Variants in FBXO36 observed in about 807,000 individuals in gnomAD.
The protein encoded by FBXO36 is F-box only protein 36.
In FBXO36, 18 loss-of-function variants were observed where a neutral mutation model predicts 17.0. That is an observed-to-expected ratio of 1.06 (90% CI 0.73 to 1.57). The LOEUF is 1.57. Among genes scored for constraint, FBXO36 ranks in the 40% most tolerant of loss-of-function variants. FBXO36 has a pLI of 0.00. For missense variants in FBXO36, 229 were observed against 221.9 expected (o/e 1.03, Z -0.20); for synonymous variants, 83 against 85.3 (o/e 0.97, Z 0.15).
intron 1 of FBXO36, among the ~76,000 whole-genome samples, chr2:229,950,713 A>G (rs1040161571): frequency 1.3e-5 from 2 of 151,604 alleles, no homozygotes; most frequent in Admixed American, 6.6e-5. Flanking sequence ...AACAATAGGG[A>G]AAAAAATCAT....
In FBXO36 at chr2:229,956,909, C is replaced by G. The variant is rs907549539; in HGVS notation, c.97-19332C>G. 2.0e-5 allele frequency among the ~76,000 whole-genome samples: 3 copies of G among 152,076 alleles called. No individual in the cohort carries two copies. The East Asian group carries it at 5.8e-4, about 29-fold the overall frequency. On this transcript the variant is annotated intron_variant, in intron 1 of 3. Coordinates refer to ENST00000283946, the MANE Select transcript of FBXO36 (RefSeq NM_174899.5). ...GGGTCTCTTCCCCTTATTCTAAGAA[C>G]CCCAGTCCTATTGAATTAGGATTAT...
intron 1 of FBXO36, among the ~76,000 whole-genome samples, chr2:229,972,378 C>T (rs1424195267): frequency 6.6e-6 from 1 of 152,058 alleles, no homozygotes; most frequent in Non-Finnish European, 1.5e-5. Flanking sequence ...AAATAATTAT[C>T]TTTGAAGATT....
intron 1 of FBXO36, among the ~76,000 whole-genome samples, chr2:229,934,001 A>G (rs527527570): frequency 1.3e-5 from 2 of 152,250 alleles, no homozygotes; most frequent in East Asian, 1.9e-4. Flanking sequence ...TTAAAAAAAA[A>G]TACACAAACA....
chr2:229,989,843 G>A (rs1233058406), intron 2 of FBXO36, among the ~76,000 whole-genome samples: 1 of 151,980 alleles, frequency 6.6e-6, no homozygotes, highest in Non-Finnish European at 1.5e-5. Flanking sequence ...AAAGTGTTGG[G>A]ATTACAGGCG....
chr2:229,957,776 C>CAT (rs2077096538), intron 1 of FBXO36, among the ~76,000 whole-genome samples: 2 of 152,192 alleles, frequency 1.3e-5, no homozygotes, highest in Non-Finnish European at 2.9e-5. Context: ...TAACTGTCAG[C>CAT]TTCTCAACCA....
At chr2:230,004,029 C>T (rs897448842) in intron 3 of FBXO36, among the ~76,000 whole-genome samples, 2 of 151,564 alleles carry the variant, frequency 1.3e-5, no homozygotes, top group Admixed American at 6.5e-5. Flanking sequence ...GGTCCACAGT[C>T]GTAGCCAGCA....
At chr2:229,948,123 C>T (rs1405022552) in intron 1 of FBXO36, among the ~76,000 whole-genome samples, 1 of 151,554 alleles carries the variant, frequency 6.6e-6, no homozygotes, top group Non-Finnish European at 1.5e-5. Flanking sequence ...CATAACAAGA[C>T]CCTTTCTCTA....
At chr2:229,964,128 G>A (rs1035480754) in intron 1 of FBXO36, among the ~76,000 whole-genome samples, 1 of 151,676 alleles carries the variant, frequency 6.6e-6, no homozygotes, top group Non-Finnish European at 1.5e-5. Flanking sequence ...CTGTTTGTCT[G>A]TAATGTTAAT....
intron 2 of FBXO36, chr2:229,977,124 C>T (rs960492367): frequency 1.3e-5 from 2 of 151,982 alleles, no homozygotes; most frequent in Non-Finnish European, 2.9e-5. Context: ...TTTCCTTTTC[C>T]TATGCTACAA....
intron 3 of FBXO36, among the ~76,000 whole-genome samples, chr2:230,001,465 T>A (rs1168638445): frequency 6.6e-6 from 1 of 151,974 alleles, no homozygotes; most frequent in Non-Finnish European, 1.5e-5. Context: ...TTTTTGTATT[T>A]TTAGTAGACA....
At chr2:229,966,333 T>G (rs1208280875) in intron 1 of FBXO36, among the ~76,000 whole-genome samples, 1 of 152,206 alleles carries the variant, frequency 6.6e-6, no homozygotes, top group Non-Finnish European at 1.5e-5. Context: ...GTAGGTTGCC[T>G]GTTCACTCTG....
intron 3 of FBXO36, among the ~76,000 whole-genome samples, chr2:229,999,804 G>A (rs2077348636): frequency 6.6e-6 from 1 of 151,782 alleles, no homozygotes; most frequent in South Asian, 2.1e-4. Flanking sequence ...AATCACCCAG[G>A]TTAATTATTA....
At chr2:229,963,783 G>A (rs928026342) in intron 1 of FBXO36, among the ~76,000 whole-genome samples, 1 of 152,162 alleles carries the variant, frequency 6.6e-6, no homozygotes, top group Non-Finnish European at 1.5e-5. Context: ...GTTGTCTGTA[G>A]TATGTAATCC....
intron 3 of FBXO36, among the ~76,000 whole-genome samples, chr2:230,010,121 T>C (rs1488290825): frequency 2.0e-5 from 3 of 150,808 alleles, no homozygotes; most frequent in African/African-American, 7.3e-5. Flanking sequence ...ATTAGCTCAG[T>C]GTGGTGGCGC....
chr2:230,011,016 G>T lies in FBXO36; in HGVS notation c.*132G>T. On this transcript the variant is annotated 3_prime_UTR_variant, in exon 4 of 4. Coordinates refer to ENST00000283946, the MANE Select transcript of FBXO36 (RefSeq NM_174899.5). ...CGTGGAGCCATTTGAAACTCGTAGG[G>T]GATTTGCACACAAATGCAGCAGAGT... The T allele has an allele frequency of 1.0e-6, 1 of 961,838 alleles. No homozygotes were observed. Among genetic ancestry groups the T allele is most frequent in the East Asian group, 2.7e-5 (1 of 36,920 alleles). The allele number at this position is 961,838 out of a possible 1,614,324, so 59.6% of individuals were successfully genotyped here.
intron 1 of FBXO36, among the ~76,000 whole-genome samples, chr2:229,933,928 T>C (rs576422791): frequency 3.9e-5 from 6 of 151,938 alleles, no homozygotes; most frequent in African/African-American, 1.4e-4. Context: ...TCAGGTGATC[T>C]GCCCGCTTTG....
intron 1 of FBXO36, among the ~76,000 whole-genome samples, chr2:229,945,639 AT>A (rs1277765511): frequency 6.6e-6 from 1 of 152,044 alleles, no homozygotes; most frequent in Non-Finnish European, 1.5e-5. Context: ...TTTGTGCAAA[AT>A]TTAGTGTACC....
chr2:229,938,554 G>A (rs1295872522), intron 1 of FBXO36, among the ~76,000 whole-genome samples: 1 of 147,528 alleles, frequency 6.8e-6, no homozygotes, highest in Non-Finnish European at 1.5e-5. Flanking sequence ...GCGCCATCTC[G>A]GCTCACCGCA....
chr2:230,007,011 G>A (rs2077390296), intron 3 of FBXO36, among the ~76,000 whole-genome samples: 1 of 152,212 alleles, frequency 6.6e-6, no homozygotes, highest in Non-Finnish European at 1.5e-5. Flanking sequence ...TGTTGACCAA[G>A]GCCTGGAGCC....
Sources: allele counts gnomAD v4.1 joint callset (sites outside exome capture counted in the v4.1 genomes callset), GRCh38; gene constraint gnomAD v4.1.1; transcripts MANE v1.5; gene names NCBI Gene and HGNC (gene_info 2026-07-23, HGNC 2026-07-21).